Variants in CNGB3 observed in about 807,000 individuals in gnomAD.
CNGB3 encodes cyclic nucleotide gated channel subunit beta 3, also known as cyclic nucleotide-gated channel beta-3.
In CNGB3, 86 loss-of-function variants were observed where a neutral mutation model predicts 92.8. That is an observed-to-expected ratio of 0.93 (90% confidence interval 0.78 to 1.11). CNGB3 has a LOEUF of 1.11. CNGB3 is among the 50% of genes least tolerant of loss of function. The pLI is 0.00. For missense variants in CNGB3, 1,026 were observed against 956.8 expected, an observed-to-expected ratio of 1.07 and a Z score of -0.95; for synonymous variants, 333 against 332.7, an observed-to-expected ratio of 1.00 and a Z score of -0.01.
chr8:86,585,190 G>T (rs1280535279), intron 15 of CNGB3, among the ~76,000 whole-genome samples: 1 of 152,042 alleles, frequency 6.6e-6, no homozygotes, highest in African/African-American at 2.4e-5. Flanking sequence ...AAGATAACTT[G>T]TATATGCAAA....
chr8:86,591,362 G>C (rs1457432779), intron 15 of CNGB3, among the ~76,000 whole-genome samples: 1 of 152,000 alleles, frequency 6.6e-6, no homozygotes, highest in East Asian at 1.9e-4. Context: ...TCTCCGTCCA[G>C]CTTTGTTCCA....
chr8:86,651,705 G>A (rs1009623471), intron 7 of CNGB3, among the ~76,000 whole-genome samples: 1 of 151,856 alleles, frequency 6.6e-6, no homozygotes, highest in African/African-American at 2.4e-5. Context: ...TGTGTAGACA[G>A]AGATAATTTA....
At chr8:86,736,818 AGTTTTATATAT>A (rs1177919588) in intron 2 of CNGB3, among the ~76,000 whole-genome samples, 8 of 136,522 alleles carry the variant, frequency 5.9e-5, no homozygotes, top group Non-Finnish European at 1.1e-4. Flanking sequence ...TATTTATGGA[AGTTTTATATAT>A]GTGAGTTTGG....
intron 2 of CNGB3, among the ~76,000 whole-genome samples, chr8:86,732,120 A>G (rs572987233): frequency 1.3e-5 from 2 of 152,352 alleles, no homozygotes; most frequent in African/African-American, 2.4e-5. Flanking sequence ...AGGGTCTCTT[A>G]AATTTTTAGC....
In CNGB3 at chr8:86,659,098, G is replaced by C. The variant is rs1448993428; in HGVS notation, c.853-5036C>G. On this transcript the variant is annotated intron_variant, in intron 6 of 17. Transcript: ENST00000320005. ...TCCAGGAGCAGGGGTTCAGCGATCT[G>C]TTCCCTCAGTTTGGCCAAGCTGGTC... The C allele has an allele frequency of 7.9e-6, 6 of 758,250 alleles. No homozygotes were observed. In the East Asian group the frequency reaches 1.5e-4, roughly 19 times the overall value. 47.0% of individuals were successfully genotyped at this position (758,250 alleles called of 1,614,324 possible).
At chr8:86,731,167 C>A (rs1176338065) in intron 2 of CNGB3, among the ~76,000 whole-genome samples, 4 of 152,154 alleles carry the variant, frequency 2.6e-5, no homozygotes, top group African/African-American at 7.2e-5. Context: ...ATTAACAAAA[C>A]AAACACGCAA....
At chr8:86,658,255 T>G in intron 6 of CNGB3, 2 of 531,156 alleles carry the variant, frequency 3.8e-6, no homozygotes, top group Non-Finnish European at 6.9e-6. Context: ...TCCTCGGCAC[T>G]GGCCACAGCT....
chr8:86,727,833 T>C (rs1825087954), intron 2 of CNGB3, among the ~76,000 whole-genome samples: 1 of 152,114 alleles, frequency 6.6e-6, no homozygotes, highest in Admixed American at 6.5e-5. Context: ...TTTGAAGATA[T>C]AAGCAAACCC....
At chr8:86,594,889 A>G (rs757258413) in intron 15 of CNGB3, among the ~76,000 whole-genome samples, 9 of 151,742 alleles carry the variant, frequency 5.9e-5, no homozygotes, top group Non-Finnish European at 1.2e-4. Flanking sequence ...TTGTATATAT[A>G]TACATATATT....
chr8:86,632,656 A>T, intron 11 of CNGB3, 96 bp downstream of exon 11: 3 of 1,299,390 alleles, frequency 2.3e-6, no homozygotes, highest in Non-Finnish European at 3.3e-6. Flanking sequence ...AAGAAGAACC[A>T]GACAGATTTT....
At chr8:86,703,366 G>A (rs959589285) in intron 3 of CNGB3, among the ~76,000 whole-genome samples, 2 of 152,154 alleles carry the variant, frequency 1.3e-5, no homozygotes, top group African/African-American at 2.4e-5. Context: ...AGGAGGAGAG[G>A]AAAATAAGTG....
At chr8:86,652,305 T>TAG (rs1352919891) in intron 7 of CNGB3, among the ~76,000 whole-genome samples, 2 of 151,942 alleles carry the variant, frequency 1.3e-5, no homozygotes, top group Non-Finnish European at 2.9e-5. Flanking sequence ...AATGAGCGAG[T>TAG]AGTGAGTGAC....
At chr8:86,739,620 GTTTTTT>G in intron 2 of CNGB3, 29 bp downstream of exon 2, 2 of 1,488,490 alleles carry the variant, frequency 1.3e-6, no homozygotes, top group Admixed American at 2.0e-5. Flanking sequence ...TCACTTTTTA[GTTTTTT>G]TTTTTTTTTT....
At chr8:86,600,042 C>A (rs1163499279) in intron 15 of CNGB3, among the ~76,000 whole-genome samples, 7 of 152,180 alleles carry the variant, frequency 4.6e-5, no homozygotes, top group Non-Finnish European at 8.8e-5. Context: ...TTTAAAATTT[C>A]TCTCTCTTGT....
At chr8:86,617,756 A>G (rs977670946) in intron 13 of CNGB3, among the ~76,000 whole-genome samples, 2 of 152,192 alleles carry the variant, frequency 1.3e-5, no homozygotes, top group Non-Finnish European at 2.9e-5. Flanking sequence ...GTCATGAGTT[A>G]GACGGAACTC....
intron 3 of CNGB3, among the ~76,000 whole-genome samples, chr8:86,721,245 G>T (rs1231225662): frequency 6.6e-6 from 1 of 152,086 alleles, no homozygotes; most frequent in African/African-American, 2.4e-5. Flanking sequence ...TCTCCACTGG[G>T]ATTACAGGCA....
intron 4 of CNGB3, among the ~76,000 whole-genome samples, chr8:86,669,229 T>C (rs1328121270): frequency 6.6e-6 from 1 of 151,692 alleles, no homozygotes; most frequent in Non-Finnish European, 1.5e-5. Flanking sequence ...GTTTTTAAAC[T>C]GTCTCAAATA....
chr8:86,679,661 G>C (rs1157820695), intron 3 of CNGB3, among the ~76,000 whole-genome samples: 1 of 152,128 alleles, frequency 6.6e-6, no homozygotes, highest in Non-Finnish European at 1.5e-5. Flanking sequence ...AAGTAGCTGG[G>C]ATTACAGTTG....
intron 6 of CNGB3, chr8:86,657,325 G>A: frequency 2.5e-6 from 1 of 399,544 alleles, no homozygotes; most frequent in Admixed American, 2.9e-5. Flanking sequence ...TAAGGACCTG[G>A]TGGGGATGGA....
Sources: allele counts gnomAD v4.1 joint callset (sites outside exome capture counted in the v4.1 genomes callset), GRCh38; gene constraint gnomAD v4.1.1; transcripts MANE v1.5; gene names NCBI Gene and HGNC (gene_info 2026-07-23, HGNC 2026-07-21).